Variants in KCNQ1 observed in about 807,000 individuals in gnomAD.
The protein encoded by KCNQ1 is potassium voltage-gated channel subfamily KQT member 1.
KCNQ1 carries 49 observed loss-of-function variants against 72.4 expected under a neutral mutation model. That is an observed-to-expected ratio of 0.68 (90% CI 0.54 to 0.86). The LOEUF (loss-of-function observed/expected upper bound fraction) is 0.86, where lower values mean the gene tolerates loss of function less well. KCNQ1 is among the 40% of genes least tolerant of loss of function. The probability of loss-of-function intolerance (pLI) is 0.00; values close to 1 mark genes in which losing one functional copy is unlikely to be tolerated. For missense variants in KCNQ1, 790 were observed against 945.1 expected (o/e 0.84, Z 2.15); for synonymous variants, 450 against 412.6 (o/e 1.09, Z -1.10).
chr11:2,771,319 T>C (rs1317166394), intron 12 of KCNQ1: 2 of 152,278 alleles, frequency 1.3e-5, no homozygotes, highest in Non-Finnish European at 2.9e-5. Flanking sequence ...GGCATTGAGG[T>C]TGATATCAAG....
At chr11:2,456,915 G>A (rs1846201044) in intron 1 of KCNQ1, among the ~76,000 whole-genome samples, 1 of 143,354 alleles carries the variant, frequency 7.0e-6, no homozygotes, top group Admixed American at 7.0e-5. Context: ...CTCCAGCCTG[G>A]GTGACAGAGC....
Position 2,762,405 on chromosome 11 carries a change from T to C in KCNQ1, c.1515-6439T>C, listed in dbSNP as rs1248735784. ...GACCGGTGTGTGGTAAGGATCATGGTTGACATACTTTCACAGGTGCATCCA... is the reference window on the plus strand; with the variant it reads ...GACCGGTGTGTGGTAAGGATCATGGCTGACATACTTTCACAGGTGCATCCA... On this transcript the variant is annotated intron_variant, in intron 11 of 15. Coordinates refer to ENST00000155840, the MANE Select transcript of KCNQ1 (RefSeq NM_000218.3). This position sits in a 1 kb window ranked among gnomAD's most constrained non-coding sequence, Gnocchi z 4.3. Among the ~76,000 whole-genome samples the C allele has an allele frequency of 1.3e-5, 2 of 152,218 alleles. No homozygotes were observed. Among genetic ancestry groups the C allele is most frequent in the African/African-American group, 2.4e-5 (1 of 41,464 alleles).
At chr11:2,524,041 G>A (rs1847449175) in intron 1 of KCNQ1, among the ~76,000 whole-genome samples, 1 of 152,118 alleles carries the variant, frequency 6.6e-6, no homozygotes, top group Non-Finnish European at 1.5e-5. Context: ...TGGCCAAAGG[G>A]GCTTTGCAGG....
At position 2,445,279 on chromosome 11, in the gene KCNQ1, C is replaced by A. The variant is rs1273257287; in HGVS notation, c.181C>A (p.Pro61Thr). 21 of 1,303,178 alleles carry A rather than the reference C, an allele frequency of 1.6e-5. No homozygotes were observed. The Admixed American group carries it at 2.0e-4, about 12-fold the overall frequency. The allele number at this position is 1,303,178 out of a possible 1,614,324, so 80.7% of individuals were successfully genotyped here. A position where few individuals can be genotyped will look rare whatever the true frequency, so the allele number is the denominator to read the frequency against. Residue 61 changes from proline to threonine, a missense_variant, in exon 1 of 16, where the codon CCC (proline) becomes ACC (threonine). Coordinates refer to ENST00000155840, the MANE Select transcript of KCNQ1 (RefSeq NM_000218.3). ...YAPIAPGAPG[P>T]APPASPAAPA... ...GCCCATCGCGCCCGGCGCCCCAGGT[C>A]CCGCGCCCCCTGCGTCCCCGGCCGC...
At chr11:2,773,672 C>G (rs233436) in intron 12 of KCNQ1, among the ~76,000 whole-genome samples, 23,251 of 145,912 alleles carry the variant, frequency 0.16, 2,034 homozygotes, top group East Asian at 0.2. Context: ...CAGAAAGGAG[C>G]TCAGTATCTC....
chr11:2,762,689 G>A lies in KCNQ1; in HGVS notation c.1515-6155G>A, dbSNP rs1462045446. Among the ~76,000 whole-genome samples, 3 of 152,252 alleles carry A rather than the reference G, an allele frequency of 2.0e-5. No individual in the cohort carries two copies. Among genetic ancestry groups the A allele is most frequent in the Non-Finnish European group, 2.9e-5 (2 of 68,044 alleles). On this transcript the variant is annotated intron_variant, in intron 11 of 15. Coordinates refer to ENST00000155840, the MANE Select transcript of KCNQ1 (RefSeq NM_000218.3). The surrounding 1 kb of genome is among the most constrained non-coding windows in gnomAD (Gnocchi z 4.3). Reference sequence around the variant, plus strand: ...TCAGTGGTGGCATTAGATTCTCGCAGGAGCGCGAACCCTGTTGTGAATGCA... The same window carrying A: ...TCAGTGGTGGCATTAGATTCTCGCAAGAGCGCGAACCCTGTTGTGAATGCA...
intron 10 of KCNQ1, chr11:2,634,199 T>C (rs1849413588): frequency 2.5e-6 from 1 of 397,016 alleles, no homozygotes; most frequent in Non-Finnish European, 4.4e-6. Flanking sequence ...CTTTAAGTTC[T>C]AGGGTACATG....
chr11:2,519,781 CCA>C (rs146122513), intron 1 of KCNQ1, among the ~76,000 whole-genome samples: 26,288 of 138,850 alleles, frequency 0.19, 2,590 homozygotes, highest in East Asian at 0.42. Context: ...TGGCCCCCCC[CCA>C]CAACATTGGT....
At chr11:2,697,318 G>A (rs1445969976) in intron 11 of KCNQ1, 3 of 398,556 alleles carry the variant, frequency 7.5e-6, no homozygotes, top group Non-Finnish European at 1.3e-5. Context: ...TCTTTATGGA[G>A]ACCATCAACC....
intron 11 of KCNQ1, among the ~76,000 whole-genome samples, chr11:2,737,329 G>C (rs1203805114): frequency 2.0e-5 from 3 of 152,178 alleles, no homozygotes; most frequent in Non-Finnish European, 4.4e-5. Flanking sequence ...CCACTGCCCA[G>C]CCACCTCTCT....
intron 10 of KCNQ1, chr11:2,644,948 C>T (rs968170410): frequency 4.8e-5 from 19 of 398,474 alleles, no homozygotes; most frequent in Non-Finnish European, 8.0e-5. Context: ...CAGTGGCTGG[C>T]CCCGAATGCT....
intron 2 of KCNQ1, among the ~76,000 whole-genome samples, chr11:2,540,855 G>A (rs1346052785): frequency 6.6e-6 from 1 of 152,248 alleles, no homozygotes; most frequent in Non-Finnish European, 1.5e-5. Context: ...AAAAGTCCTG[G>A]GCGGCTGTGA....
chr11:2,842,491 AG>A (rs1285384215), intron 15 of KCNQ1, among the ~76,000 whole-genome samples: 1 of 152,188 alleles, frequency 6.6e-6, no homozygotes, highest in Non-Finnish European at 1.5e-5. Flanking sequence ...GCACACACAA[AG>A]GCCCAGGGGC....
chr11:2,572,677 C>A (rs777147929), intron 5 of KCNQ1, among the ~76,000 whole-genome samples, 169 bp from the exon 6 acceptor site: 3 of 152,252 alleles, frequency 2.0e-5, no homozygotes, highest in Non-Finnish European at 4.4e-5. Context: ...CCGCCACTTA[C>A]CGGAGTTGTG....
Position 2,471,664 on chromosome 11 carries a change from G to C in KCNQ1, c.386+26180G>C, listed in dbSNP as rs562867335. Among the ~76,000 whole-genome samples the C allele has an allele frequency of 2.0e-5, 3 of 152,060 alleles. No individual in the cohort carries two copies. Among genetic ancestry groups the C allele is most frequent in the Non-Finnish European group, 4.4e-5 (3 of 67,992 alleles). On this transcript the variant is annotated intron_variant, in intron 1 of 15. Coordinates refer to ENST00000155840, the MANE Select transcript of KCNQ1 (RefSeq NM_000218.3). The surrounding 1 kb of genome is among the most constrained non-coding windows in gnomAD (Gnocchi z 4.8). Reference sequence around the variant, plus strand: ...TGTGTACACATGTGTATGGGTGTGTGCATGGGTGTGCACATGTGTATGGGT... The same window carrying C: ...TGTGTACACATGTGTATGGGTGTGTCCATGGGTGTGCACATGTGTATGGGT...
At chr11:2,501,276 A>T (rs905635700) in intron 1 of KCNQ1, among the ~76,000 whole-genome samples, 4 of 151,974 alleles carry the variant, frequency 2.6e-5, no homozygotes, top group Non-Finnish European at 5.9e-5. Context: ...AAATTGACAA[A>T]CCTTTAGCCA....
rs1161047296 is a variant in KCNQ1, at chr11:2,676,604, A to C, written c.1514+14523A>C. 2.5e-6 allele frequency: 1 copy of C among 398,562 alleles called. No homozygotes were observed. Among genetic ancestry groups the C allele is most frequent in the East Asian group, 3.6e-5 (1 of 28,098 alleles). The allele number at this position is 398,562 out of a possible 1,614,324, so 24.7% of individuals were successfully genotyped here. ...GTATTCAACAGCCAGCTCTCCAAAG[A>C]GGCCTCTAAGAAATGGGTAGCTTCA... On this transcript the variant is annotated intron_variant, in intron 11 of 15. Coordinates refer to ENST00000155840, the MANE Select transcript of KCNQ1 (RefSeq NM_000218.3). The surrounding 1 kb of genome is among the most constrained non-coding windows in gnomAD (Gnocchi z 4.2).
chr11:2,749,902 G>A (rs550487054), intron 11 of KCNQ1, among the ~76,000 whole-genome samples: 23 of 151,948 alleles, frequency 1.5e-4, no homozygotes, highest in African/African-American at 5.5e-4. Flanking sequence ...ACTTGAACCC[G>A]TGAGTTGAGA....
intron 15 of KCNQ1, among the ~76,000 whole-genome samples, chr11:2,839,301 G>A (rs572705743): frequency 4.7e-5 from 7 of 149,380 alleles, no homozygotes; most frequent in East Asian, 3.9e-4. Context: ...GTTGTGCCAC[G>A]TGGGCCCCCC....
Sources: allele counts gnomAD v4.1 joint callset (sites outside exome capture counted in the v4.1 genomes callset), GRCh38; gene constraint gnomAD v4.1.1; non-coding constraint Gnocchi (gnomAD v3.1); transcripts MANE v1.5; gene names NCBI Gene and HGNC (gene_info 2026-07-23, HGNC 2026-07-21).